PCCA: variants seen among roughly 807,000 people sequenced by gnomAD.
PCCA encodes the protein propionyl-CoA carboxylase subunit alpha, also known as propionyl-CoA carboxylase alpha chain, mitochondrial.
In PCCA, 74 loss-of-function variants were observed where a neutral mutation model predicts 101.3. The observed-to-expected ratio is 0.73, with a 90% CI of 0.61 to 0.89. The LOEUF (loss-of-function observed/expected upper bound fraction) is 0.89, where lower values mean the gene tolerates loss of function less well. PCCA is among the 40% of genes least tolerant of loss of function. PCCA has a pLI of 0.00. For missense variants in PCCA, 891 were observed against 907.0 expected (o/e 0.98, Z 0.23); for synonymous variants, 294 against 313.6 (o/e 0.94, Z 0.66).
intron 19 of PCCA, among the ~76,000 whole-genome samples, chr13:100,392,179 G>T (rs1328262937): frequency 6.6e-6 from 1 of 152,160 alleles, no homozygotes; most frequent in Non-Finnish European, 1.5e-5. Flanking sequence ...AATATTCATT[G>T]GGGGCAGGGT....
intron 8 of PCCA, among the ~76,000 whole-genome samples, chr13:100,238,114 A>G (rs2060914961): frequency 6.6e-6 from 1 of 151,012 alleles, no homozygotes; most frequent in Non-Finnish European, 1.5e-5. Flanking sequence ...ATTTTTTTGT[A>G]TTTTTAGTAG....
At chr13:100,196,970 C>T (rs1445401187) in intron 6 of PCCA, among the ~76,000 whole-genome samples, 1 of 152,114 alleles carries the variant, frequency 6.6e-6, no homozygotes, top group Non-Finnish European at 1.5e-5. Context: ...GGTTATTCTG[C>T]TCCTTCCTAC....
intron 19 of PCCA, among the ~76,000 whole-genome samples, chr13:100,396,384 C>G (rs1443341016): frequency 6.6e-6 from 1 of 152,176 alleles, no homozygotes; most frequent in East Asian, 1.9e-4. Flanking sequence ...TATATAAAGG[C>G]TCTAGTACAG....
chr13:100,443,892 T>C (rs2080565575), intron 20 of PCCA, among the ~76,000 whole-genome samples: 1 of 152,126 alleles, frequency 6.6e-6, no homozygotes, highest in African/African-American at 2.4e-5. Flanking sequence ...TAGTGGTGTT[T>C]TACTCGGTCT....
chr13:100,299,718 C>T (rs1287656936), intron 12 of PCCA, among the ~76,000 whole-genome samples: 1 of 152,040 alleles, frequency 6.6e-6, no homozygotes, highest in Non-Finnish European at 1.5e-5. Flanking sequence ...GTAGGTTCAC[C>T]TCTTTTTTTT....
intron 12 of PCCA, among the ~76,000 whole-genome samples, chr13:100,280,365 T>G (rs993446385): frequency 2.6e-5 from 4 of 152,024 alleles, no homozygotes; most frequent in Non-Finnish European, 4.4e-5. Context: ...TGCCGATCTC[T>G]GTGTATGAAT....
intron 12 of PCCA, among the ~76,000 whole-genome samples, chr13:100,293,907 G>T (rs907076322): frequency 6.6e-6 from 1 of 152,202 alleles, no homozygotes; most frequent in African/African-American, 2.4e-5. Context: ...TATTGTAAAT[G>T]ATATTGCTGT....
At chr13:100,306,631 G>C (rs1317333846) in intron 14 of PCCA, among the ~76,000 whole-genome samples, 1 of 119,566 alleles carries the variant, frequency 8.4e-6, no homozygotes, top group African/African-American at 3.3e-5. Flanking sequence ...CACAAAATCA[G>C]AACTCTAATT....
At chr13:100,520,516 T>C (rs1032741875) in intron 22 of PCCA, among the ~76,000 whole-genome samples, 10 of 151,026 alleles carry the variant, frequency 6.6e-5, no homozygotes, top group South Asian at 2.1e-4. Flanking sequence ...GCGCCTGTAG[T>C]CCCAGCTACT....
intron 8 of PCCA, among the ~76,000 whole-genome samples, chr13:100,244,367 T>C (rs994587577): frequency 1.3e-5 from 2 of 152,208 alleles, no homozygotes; most frequent in African/African-American, 4.8e-5. Context: ...ATATTTTCTT[T>C]TATTATTCCA....
chr13:100,320,181 C>T (rs1347960586), intron 16 of PCCA, among the ~76,000 whole-genome samples: 2 of 152,246 alleles, frequency 1.3e-5, no homozygotes, highest in East Asian at 3.9e-4. Context: ...GATTTTGTAT[C>T]CTGAGACTGC....
At chr13:100,526,986 G>A (rs2087885113) in intron 22 of PCCA, among the ~76,000 whole-genome samples, 1 of 152,228 alleles carries the variant, frequency 6.6e-6, no homozygotes, top group South Asian at 2.1e-4. Flanking sequence ...CTTGTGCCTT[G>A]TTGTGGGTAC....
At chr13:100,342,010 T>C (rs1319323707) in intron 18 of PCCA, among the ~76,000 whole-genome samples, 1 of 148,954 alleles carries the variant, frequency 6.7e-6, no homozygotes, top group Non-Finnish European at 1.5e-5. Flanking sequence ...TATATATGTA[T>C]TTTTATATAC....
chr13:100,348,760 CTTTCTTT>C lies in PCCA; in HGVS notation c.1643+8502_1643+8508del, dbSNP rs2072712472. ...TCTTTCTTTCTTTCTTTCTTTCTTT[CTTTCTTT>C]CTTTCTTTCTTTCTTTCTTTCTTCC... is the stretch of plus-strand genomic sequence containing the variant. On this transcript the variant is annotated intron_variant, in intron 18 of 23. Transcript: ENST00000376285. Among the ~76,000 whole-genome samples, 3 of 78,238 alleles carry C rather than the reference CTTTCTTT, an allele frequency of 3.8e-5. No individual in the cohort carries two copies. The South Asian group carries it at 1.3e-3, about 35-fold the overall frequency. The allele number at this position is 78,238 out of a possible 152,430, so 51.3% of individuals were successfully genotyped here. A position where few individuals can be genotyped will look rare whatever the true frequency, so the allele number is the denominator to read the frequency against.
At chr13:100,277,575 C>G (rs557096677) in intron 12 of PCCA, among the ~76,000 whole-genome samples, 8 of 152,230 alleles carry the variant, frequency 5.3e-5, no homozygotes, top group African/African-American at 1.9e-4. Flanking sequence ...AAGTTTGTGT[C>G]CTGACTCTCA....
At chr13:100,433,221 C>T (rs1217176642) in intron 20 of PCCA, among the ~76,000 whole-genome samples, 1 of 152,184 alleles carries the variant, frequency 6.6e-6, no homozygotes, top group East Asian at 1.9e-4. Flanking sequence ...AGTTGCTGCA[C>T]CATTTTACAT....
At chr13:100,483,703 T>G (rs2084139822) in intron 21 of PCCA, among the ~76,000 whole-genome samples, 1 of 152,198 alleles carries the variant, frequency 6.6e-6, no homozygotes, top group Non-Finnish European at 1.5e-5. Flanking sequence ...ATCGGTAAAT[T>G]TTGCTTTTAA....
intron 1 of PCCA, among the ~76,000 whole-genome samples, chr13:100,096,693 T>C (rs780703293): frequency 6.6e-6 from 1 of 152,196 alleles, no homozygotes; most frequent in African/African-American, 2.4e-5. Context: ...AGCGCACAAC[T>C]GATTAAAAAA....
At chr13:100,342,691 T>C (rs2071562266) in intron 18 of PCCA, among the ~76,000 whole-genome samples, 1 of 147,262 alleles carries the variant, frequency 6.8e-6, no homozygotes, top group Non-Finnish European at 1.5e-5. Flanking sequence ...GTGTGATTTC[T>C]TCAGATTGCT....
Sources: gnomAD v4.1 joint callset for allele counts (sites outside exome capture counted in the v4.1 genomes callset) on GRCh38, gnomAD v4.1.1 for gene constraint, MANE v1.5 for transcripts, NCBI Gene and HGNC (gene_info 2026-07-23, HGNC 2026-07-21) for gene names.